The following ATG10 variants were observed in gnomAD, a reference collection of about 807,000 sequenced individuals.
ATG10 encodes autophagy related 10.
A neutral mutation model predicts 32.1 loss-of-function variants in ATG10; 30 were observed. The observed-to-expected ratio is 0.94, with a 90% CI of 0.70 to 1.27. The LOEUF (loss-of-function observed/expected upper bound fraction) is 1.27, where lower values mean the gene tolerates loss of function less well. Ranked by LOEUF, ATG10 falls within the 50% of genes most tolerant of loss-of-function variation. The probability of loss-of-function intolerance (pLI) is 0.00; values close to 1 mark genes in which losing one functional copy is unlikely to be tolerated. For synonymous variants in ATG10, 87 were observed against 91.5 expected (o/e 0.95, Z 0.28); for missense variants, 233 against 262.3 (o/e 0.89, Z 0.77).
chr5:82,196,006 AT>A (rs944657001), intron 5 of ATG10, among the ~76,000 whole-genome samples: 2 of 152,218 alleles, frequency 1.3e-5, no homozygotes, highest in African/African-American at 4.8e-5. Flanking sequence ...CCAGGAATGT[AT>A]GAGGGTTACA....
intron 2 of ATG10, among the ~76,000 whole-genome samples, chr5:82,042,812 G>C (rs1369306266): frequency 6.6e-6 from 1 of 152,106 alleles, no homozygotes; most frequent in Non-Finnish European, 1.5e-5. Context: ...TGATGCAAGG[G>C]GTGGGCTCCC....
intron 2 of ATG10, among the ~76,000 whole-genome samples, chr5:81,991,021 G>C (rs1202226445): frequency 1.3e-5 from 2 of 152,242 alleles, no homozygotes; most frequent in Non-Finnish European, 2.9e-5. Flanking sequence ...TTGGGTGTCT[G>C]TCTGGTATGA....
At chr5:82,164,575 A>G (rs754451606) in intron 4 of ATG10, 38 bp downstream of exon 4, 1 of 1,538,714 alleles carries the variant, frequency 6.5e-7, no homozygotes, top group Admixed American at 2.0e-5. Context: ...AATTTATAAC[A>G]TTTACATATA....
At chr5:82,005,884 C>T (rs1761975877) in intron 2 of ATG10, among the ~76,000 whole-genome samples, 1 of 152,008 alleles carries the variant, frequency 6.6e-6, no homozygotes, top group African/African-American at 2.4e-5. Context: ...GTTAGTCTTT[C>T]AGAAGAATTA....
intron 3 of ATG10, among the ~76,000 whole-genome samples, chr5:82,104,558 T>G (rs905800863): frequency 2.0e-5 from 3 of 152,172 alleles, no homozygotes; most frequent in Non-Finnish European, 4.4e-5. Flanking sequence ...ATTTTATAGG[T>G]AAATTAAGTA....
chr5:82,002,918 T>G (rs1253768196), intron 2 of ATG10, among the ~76,000 whole-genome samples: 3 of 152,192 alleles, frequency 2.0e-5, no homozygotes, highest in Non-Finnish European at 4.4e-5. Context: ...AACCTGCTCT[T>G]GTACCCCGAA....
chr5:82,193,792 C>A (rs1744751204), intron 5 of ATG10, among the ~76,000 whole-genome samples: 1 of 152,138 alleles, frequency 6.6e-6, no homozygotes, highest in Non-Finnish European at 1.5e-5. Context: ...AAATTAATTT[C>A]AATTTCTTCA....
intron 5 of ATG10, among the ~76,000 whole-genome samples, chr5:82,211,658 C>T (rs1745495058): frequency 6.6e-6 from 1 of 152,254 alleles, no homozygotes; most frequent in African/African-American, 2.4e-5. Context: ...GCTCAGGACT[C>T]CTTCATCCCT....
At chr5:82,010,165 G>A (rs768894985) in intron 2 of ATG10, 104 of 1,280,428 alleles carry the variant, frequency 8.1e-5, no homozygotes, top group Middle Eastern at 2.3e-4. Flanking sequence ...TGTCCTCAAG[G>A]TCTTGGAGAA....
chr5:82,083,524 A>T (rs968673184), intron 3 of ATG10, among the ~76,000 whole-genome samples: 7 of 152,212 alleles, frequency 4.6e-5, no homozygotes, highest in Non-Finnish European at 8.8e-5. Context: ...GAACGGACAG[A>T]CTGCCTCCTC....
intron 2 of ATG10, among the ~76,000 whole-genome samples, chr5:82,050,557 G>C (rs1312197770): frequency 6.6e-6 from 1 of 151,940 alleles, no homozygotes; most frequent in Non-Finnish European, 1.5e-5. Flanking sequence ...AGTATATAAT[G>C]AGTCTGTTTA....
intron 3 of ATG10, among the ~76,000 whole-genome samples, chr5:82,094,342 G>GT (rs1764984900): frequency 6.6e-6 from 1 of 152,104 alleles, no homozygotes; most frequent in African/African-American, 2.4e-5. Context: ...TTGGCTCAAA[G>GT]TAGAAATCTT....
intron 2 of ATG10, among the ~76,000 whole-genome samples, chr5:82,049,420 G>C (rs559461768): frequency 1.8e-5 from 2 of 113,570 alleles, no homozygotes; most frequent in South Asian, 7.2e-4. Flanking sequence ...GAGGGGGGGA[G>C]GGAAAGCACT....
chr5:82,222,123 T>C (rs1340289018), intron 5 of ATG10, among the ~76,000 whole-genome samples: 1 of 152,218 alleles, frequency 6.6e-6, no homozygotes. Flanking sequence ...GCCTTCTTGA[T>C]TTGTGATTTT....
chr5:82,072,158 A>G (rs1361607678), intron 3 of ATG10, among the ~76,000 whole-genome samples: 2 of 152,178 alleles, frequency 1.3e-5, no homozygotes, highest in Non-Finnish European at 2.9e-5. Context: ...AGGCAAAGCT[A>G]AGAGGTAGTA....
intron 2 of ATG10, among the ~76,000 whole-genome samples, chr5:82,010,560 G>A (rs984156650): frequency 1.3e-5 from 2 of 152,080 alleles, no homozygotes; most frequent in Non-Finnish European, 2.9e-5. Context: ...GGATAAAATA[G>A]CGATAGATTT....
intron 2 of ATG10, among the ~76,000 whole-genome samples, chr5:81,991,531 A>T (rs988723658): frequency 1.3e-5 from 2 of 152,026 alleles, no homozygotes; most frequent in African/African-American, 2.4e-5. Context: ...ACTTATTCTT[A>T]AAAAAAGTCT....
intron 3 of ATG10, among the ~76,000 whole-genome samples, chr5:82,079,654 T>C (rs1476326716): frequency 2.6e-5 from 4 of 152,056 alleles, no homozygotes; most frequent in Non-Finnish European, 5.9e-5. Flanking sequence ...CTGAGAATGA[T>C]GGTTTCCAGT....
chr5:82,120,065 A>C (rs1196468896), intron 3 of ATG10, among the ~76,000 whole-genome samples: 1 of 152,076 alleles, frequency 6.6e-6, no homozygotes, highest in African/African-American at 2.4e-5. Context: ...CTCTGAATTT[A>C]CAAATTGGAA....
Sources: gnomAD v4.1 joint callset for allele counts (sites outside exome capture counted in the v4.1 genomes callset) on GRCh38, gnomAD v4.1.1 for gene constraint, MANE v1.5 for transcripts, NCBI Gene and HGNC (gene_info 2026-07-23, HGNC 2026-07-21) for gene names.